USP6: variants seen among roughly 807,000 people sequenced by gnomAD.
The protein encoded by USP6 is ubiquitin carboxyl-terminal hydrolase 6.
Under a neutral mutation model 175.7 loss-of-function variants are expected in USP6, and 128 were observed. The ratio of observed to expected loss-of-function variants is 0.73; its 90% CI spans 0.63 to 0.84. The LOEUF (loss-of-function observed/expected upper bound fraction) is 0.84, where lower values mean the gene tolerates loss of function less well. Ranked by LOEUF, USP6 falls within the 40% of genes least tolerant of loss-of-function variation. USP6 has a pLI of 0.00. For synonymous variants in USP6, 562 were observed against 630.6 expected (o/e 0.89, Z 1.63); for missense variants, 1,498 against 1,760.3 (o/e 0.85, Z 2.67).
At chr17:5,125,662 G>GCACA (rs111782891) in intron 5 of USP6, among the ~76,000 whole-genome samples, 159 bp from the exon 6 acceptor site, 39,072 of 128,412 alleles carry the variant, frequency 0.3, 6,009 homozygotes, top group Middle Eastern at 0.36. Context: ...ACACAAACAC[G>GCACA]CACACACACG....
At chr17:5,134,110 G>C in intron 15 of USP6, 114 bp downstream of exon 15, 1 of 1,151,390 alleles carries the variant, frequency 8.7e-7, no homozygotes, top group Non-Finnish European at 1.3e-6. Context: ...GCTGCCAAGA[G>C]CTCTCCTGGC....
At chr17:5,123,884 C>T (rs1293823386) in intron 4 of USP6, among the ~76,000 whole-genome samples, 2 of 151,152 alleles carry the variant, frequency 1.3e-5, no homozygotes, top group Admixed American at 6.6e-5. Context: ...AATGCATGCT[C>T]GCGCGCAAGC....
At position 5,145,490 on chromosome 17, in the gene USP6, C is replaced by G; in HGVS notation, c.2078C>G (p.Thr693Arg). 6.2e-7 allele frequency: 1 copy of G among 1,613,028 alleles called. No homozygotes were observed. The highest frequency in any genetic ancestry group is 8.5e-7 in the Non-Finnish European group (1 of 1,179,504). The change falls in exon 27 of 38, where the codon ACA becomes AGA. Residue 693 changes from threonine to arginine, a missense_variant. Thr to Arg is a moderately conservative substitution (Grantham distance 71). Transcript: ENST00000574788. Reference protein sequence around the residue: ...GQLRSQVKCKTCGHISVRFDP... With the variant: ...GQLRSQVKCKRCGHISVRFDP... ...CTAAGATCTCAAGTCAAATGCAAGA[C>G]ATGTGGGCATATAAGTGTCCGATTT...
chr17:5,137,954 C>T (rs2073311474), intron 20 of USP6, among the ~76,000 whole-genome samples, 167 bp from the exon 21 acceptor site: 1 of 152,136 alleles, frequency 6.6e-6, no homozygotes. Context: ...GTGAGCACTT[C>T]CCTGTCCAGA....
At chr17:5,151,431 A>ATG (rs138448773) in intron 30 of USP6, among the ~76,000 whole-genome samples, 6,674 of 146,584 alleles carry the variant, frequency 0.046, 213 homozygotes, top group South Asian at 0.096. Context: ...CAAAGTCTGC[A>ATG]TGTGTGTGTG....
Position 5,133,637 on chromosome 17 carries a change from G to A in USP6, c.384+87G>A, listed in dbSNP as rs1362548709. 6 of 1,035,588 alleles carry A rather than the reference G, an allele frequency of 5.8e-6. No homozygotes were observed. The African/African-American group carries it at 9.4e-5, about 16-fold the overall frequency. The allele number at this position is 1,035,588 out of a possible 1,614,324, so 64.1% of individuals were successfully genotyped here. ...GGAGGGAACGTCAAGCCCACCCTGG[G>A]GTGGGGGGGTGGGAGGGGATGGTTA... On this transcript the variant is annotated intron_variant, in intron 14 of 37. Coordinates refer to ENST00000574788, the MANE Select transcript of USP6 (RefSeq NM_001304284.2).
chr17:5,122,634 G>T (rs374888399), intron 4 of USP6, among the ~76,000 whole-genome samples: 1 of 152,190 alleles, frequency 6.6e-6, no homozygotes, highest in Non-Finnish European at 1.5e-5. Context: ...GGAACGGCCG[G>T]CTGCAACGCG....
At chr17:5,172,174 CAAAA>C (rs539259328) in intron 37 of USP6, among the ~76,000 whole-genome samples, 3 of 99,938 alleles carry the variant, frequency 3.0e-5, no homozygotes, top group East Asian at 5.6e-4. Context: ...GGCTCTGTCT[CAAAA>C]AAAAAAAAAA....
chr17:5,138,856 C>T (rs571871639), intron 21 of USP6: 278 of 616,506 alleles, frequency 4.5e-4, no homozygotes, highest in Non-Finnish European at 6.0e-4. Flanking sequence ...AGAGGGTGAC[C>T]CACGTCCGGG....
intron 37 of USP6, among the ~76,000 whole-genome samples, chr17:5,172,203 A>G (rs2074237327): frequency 6.6e-6 from 1 of 151,304 alleles, no homozygotes; most frequent in Non-Finnish European, 1.5e-5. Context: ...TAGTTAGTTA[A>G]TGCAAAAAGC....
At position 5,173,604 on chromosome 17, in the gene USP6, GGTCA is replaced by G; in HGVS notation, c.*630_*633del. On this transcript the variant is annotated 3_prime_UTR_variant, in exon 38 of 38. Transcript: ENST00000574788. ...GTCATTGGTGGCAGGGGCATAGAGTGGTCAGTCTGAAAGGGAGGCTCTCTTAAGA... is the reference window on the plus strand; with the variant it reads ...GTCATTGGTGGCAGGGGCATAGAGTGGTCTGAAAGGGAGGCTCTCTTAAGA... The G allele has an allele frequency of 4.6e-6, 1 of 219,628 alleles. No homozygotes were observed. Among genetic ancestry groups the G allele is most frequent in the Non-Finnish European group, 9.2e-6 (1 of 109,248 alleles). The allele number at this position is 219,628 out of a possible 1,614,324, so 13.6% of individuals were successfully genotyped here.
chr17:5,161,528 T>C lies in USP6; in HGVS notation c.2829T>C (p.Arg943=). ...PQEASIHAQD[R]DNCMGYQYPF... is the part of the protein sequence containing the mutation. ...CTCTTTTTGTTCTCTTCTGTTTCAG[T>C]GATAACTGTATGGGCTATCAATATC... Residue 943 remains arginine, a splice_region_variant and synonymous_variant, in exon 32 of 38, where the codon CGT becomes CGC. Transcript: ENST00000574788. 4 of 1,613,718 alleles carry C rather than the reference T, an allele frequency of 2.5e-6. No homozygotes were observed. Among genetic ancestry groups the C allele is most frequent in the Non-Finnish European group, 3.4e-6 (4 of 1,179,710 alleles).
Position 5,163,090 on chromosome 17 carries a change from A to G in USP6, c.3036+86A>G, listed in dbSNP as rs1266782579. The G allele has an allele frequency of 4.1e-6, 6 of 1,462,562 alleles. No individual in the cohort carries two copies. In the East Asian group the frequency reaches 7.7e-5, roughly 19 times the overall value. 90.6% of individuals were successfully genotyped at this position (1,462,562 alleles called of 1,614,324 possible). On this transcript the variant is annotated intron_variant, in intron 33 of 37. Coordinates refer to ENST00000574788, the MANE Select transcript of USP6 (RefSeq NM_001304284.2). ...ACTATTATGCCATTTCTGTTTGACAATTTAAAAACAACCAGAAAAACCTTC... is the reference window on the plus strand; with the variant it reads ...ACTATTATGCCATTTCTGTTTGACAGTTTAAAAACAACCAGAAAAACCTTC...
intron 33 of USP6, among the ~76,000 whole-genome samples, chr17:5,165,233 T>C (rs1024393642): frequency 6.6e-6 from 1 of 152,352 alleles, no homozygotes; most frequent in East Asian, 1.9e-4. Flanking sequence ...CAGGATTCCC[T>C]GCCTTTTTAC....
intron 15 of USP6, 191 bp downstream of exon 15, chr17:5,134,187 A>C: frequency 1.6e-6 from 1 of 616,226 alleles, no homozygotes; most frequent in Non-Finnish European, 2.9e-6. Context: ...AGGCTGGAAC[A>C]TGTGGGGCCA....
At chr17:5,169,384 C>T (rs1313217008) in intron 35 of USP6, among the ~76,000 whole-genome samples, 1 of 152,110 alleles carries the variant, frequency 6.6e-6, no homozygotes, top group Non-Finnish European at 1.5e-5. Context: ...TTCTGAGGTT[C>T]CCCATCTTTC....
chr17:5,143,557 C>G (rs1382526235), intron 25 of USP6, among the ~76,000 whole-genome samples: 2 of 151,676 alleles, frequency 1.3e-5, no homozygotes, highest in Non-Finnish European at 2.9e-5. Context: ...TTGAAGGCAG[C>G]ATGCTCGTTA....
chr17:5,124,896 G>T lies in USP6; in HGVS notation c.-968G>T, dbSNP rs2072838247. 6.6e-6 allele frequency: 1 copy of T among 152,162 alleles called. No individual in the cohort carries two copies. Among genetic ancestry groups the T allele is most frequent in the Non-Finnish European group, 1.5e-5 (1 of 68,040 alleles). The allele number at this position is 152,162 out of a possible 1,614,324, so 9.4% of individuals were successfully genotyped here. A position where few individuals can be genotyped will look rare whatever the true frequency, so the allele number is the denominator to read the frequency against. On this transcript the variant is annotated 5_prime_UTR_variant, in exon 5 of 38. Transcript: ENST00000574788. ...GTAGGTATGCAAGGTAATTTTGGGT[G>T]GTTCAAGGTGAATAATTTCAATTGA... is the stretch of plus-strand genomic sequence containing the variant.
rs778749527 is a variant in USP6 at position 5,139,615 on chromosome 17, G to A, written c.1439G>A (p.Arg480His). Residue 480 changes from arginine (R) to histidine (H), a missense_variant, in exon 22 of 38, where the codon CGT (arginine) becomes CAT (histidine). This residue lies in a region of USP6 where 1,217 missense variants were observed against 1,500.8 expected (regional missense o/e 0.81). Transcript: ENST00000574788. ...HYDFEWSCWV[R>H]AISQEDQLAT... Reference sequence around the variant, plus strand: ...GATTTTGAATGGAGCTGCTGGGTCCGTGCCATATCCCAGGAGGACCAGCTG... The same window carrying A: ...GATTTTGAATGGAGCTGCTGGGTCCATGCCATATCCCAGGAGGACCAGCTG... The A allele has an allele frequency of 7.4e-6, 12 of 1,613,224 alleles. No homozygotes were observed. Among genetic ancestry groups the A allele is most frequent in the Admixed American group, 1.7e-5 (1 of 60,026 alleles).
Sources: gnomAD v4.1 joint callset for allele counts (sites outside exome capture counted in the v4.1 genomes callset) on GRCh38, gnomAD v4.1.1 for gene constraint, gnomAD v4.1.1 regional missense constraint, MANE v1.5 for transcripts, NCBI Gene and HGNC (gene_info 2026-07-23, HGNC 2026-07-21) for gene names.